Variants in PTPRG observed in about 807,000 individuals in gnomAD.
PTPRG encodes receptor-type tyrosine-protein phosphatase gamma.
In PTPRG, 102 loss-of-function variants were observed where a neutral mutation model predicts 165.3. That is an observed-to-expected ratio of 0.62 (90% CI 0.53 to 0.73). The LOEUF is 0.73. Ranked by LOEUF, PTPRG falls within the 30% of genes least tolerant of loss-of-function variation. PTPRG has a pLI of 0.00. For synonymous variants in PTPRG, 675 were observed against 669.5 expected (o/e 1.01, Z -0.13); for missense variants, 1,866 against 1,861.4 (o/e 1.00, Z -0.05).
Position 61,792,668 on chromosome 3 carries a change from T to TTTTC in PTPRG, c.190+43762_190+43765dup, listed in dbSNP as rs199609616. Among the ~76,000 whole-genome samples the TTTTC allele has an allele frequency of 7.6e-5, 9 of 118,244 alleles. No homozygotes were observed. The East Asian group carries it at 9.8e-4, about 13-fold the overall frequency. 77.6% of individuals were successfully genotyped at this position (118,244 alleles called of 152,430 possible). ...ATGGAAAACATAACTTTTTTGTGGGTTTTCTTTCTTTCTTTCTTTCTTTCT... is the reference window on the plus strand; with the variant it reads ...ATGGAAAACATAACTTTTTTGTGGGTTTTCTTTCTTTCTTTCTTTCTTTCTTTCT... On this transcript the variant is annotated intron_variant, in intron 2 of 29. Transcript: ENST00000474889.
chr3:61,813,677 A>C (rs932702043), intron 2 of PTPRG, among the ~76,000 whole-genome samples: 2 of 150,954 alleles, frequency 1.3e-5, no homozygotes, highest in Admixed American at 1.3e-4. Flanking sequence ...ATAATAACTT[A>C]TTGAATGTAT....
chr3:61,965,614 C>T (rs1431009277), intron 2 of PTPRG, among the ~76,000 whole-genome samples: 1 of 91,624 alleles, frequency 1.1e-5, no homozygotes, highest in Non-Finnish European at 2.3e-5. Context: ...TGGGTATGCT[C>T]ATTCATTCAT....
intron 2 of PTPRG, among the ~76,000 whole-genome samples, chr3:61,914,810 C>T (rs113506248): frequency 4.6e-5 from 7 of 152,298 alleles, no homozygotes; most frequent in African/African-American, 1.4e-4. Context: ...GTCATGAACT[C>T]TCCTTTGATG....
At chr3:61,696,732 G>A (rs946760810) in intron 1 of PTPRG, among the ~76,000 whole-genome samples, 3 of 152,158 alleles carry the variant, frequency 2.0e-5, no homozygotes, top group Non-Finnish European at 2.9e-5. Flanking sequence ...TTTTTTCAAT[G>A]GAGAAATCCC....
chr3:61,659,730 T>C (rs1702606302), intron 1 of PTPRG, among the ~76,000 whole-genome samples: 1 of 152,194 alleles, frequency 6.6e-6, no homozygotes. Context: ...TGGGAGAGTG[T>C]CATGATACAT....
intron 2 of PTPRG, among the ~76,000 whole-genome samples, chr3:61,875,386 A>G (rs1381611855): frequency 6.6e-6 from 1 of 151,212 alleles, no homozygotes; most frequent in Admixed American, 6.6e-5. Context: ...GTTTTGAGAG[A>G]GAGAGGATTC....
intron 2 of PTPRG, among the ~76,000 whole-genome samples, chr3:61,759,894 A>G (rs2033775765): frequency 6.6e-6 from 1 of 151,980 alleles, no homozygotes; most frequent in African/African-American, 2.4e-5. Flanking sequence ...TATCAAGAAG[A>G]GATAGGACTG....
rs1559598852 is a variant in PTPRG at position 61,763,537 on chromosome 3, T to TC, written c.190+14555_190+14556insC. 1.1e-4 allele frequency among the ~76,000 whole-genome samples: 17 copies of TC among 148,426 alleles called. No homozygotes were observed. The East Asian group carries it at 3.4e-3, about 30-fold the overall frequency. On this transcript the variant is annotated intron_variant, in intron 2 of 29. Coordinates refer to ENST00000474889, the MANE Select transcript of PTPRG (RefSeq NM_002841.4). Reference sequence around the variant, plus strand: ...CCTGCTACCACGCCCAGCTAATTTTTGTATTTCTCCTTCGTTAGAGATGGG... The same window carrying TC: ...CCTGCTACCACGCCCAGCTAATTTTTCGTATTTCTCCTTCGTTAGAGATGGG...
intron 1 of PTPRG, among the ~76,000 whole-genome samples, chr3:61,610,405 G>T (rs544772851): frequency 6.6e-6 from 1 of 152,274 alleles, no homozygotes; most frequent in African/African-American, 2.4e-5. Context: ...TTGTCTCTTA[G>T]ATTACAAGTG....
At chr3:62,112,596 A>G (rs77626608) in intron 5 of PTPRG, among the ~76,000 whole-genome samples, 1,690 of 152,304 alleles carry the variant, frequency 0.011, 15 homozygotes, top group Middle Eastern at 0.071. Context: ...ATTAACTGTT[A>G]CTATTATTTG....
intron 5 of PTPRG, among the ~76,000 whole-genome samples, chr3:62,116,572 G>T (rs569920817): frequency 4.7e-4 from 71 of 152,248 alleles, no homozygotes; most frequent in African/African-American, 1.6e-3. Flanking sequence ...ACAAGATTCT[G>T]GTGTATGTTT....
At chr3:62,061,983 G>C (rs1250087999) in intron 4 of PTPRG, among the ~76,000 whole-genome samples, 1 of 151,704 alleles carries the variant, frequency 6.6e-6, no homozygotes, top group African/African-American at 2.4e-5. Context: ...CTGGCTGTTG[G>C]AGAGTGGCAT....
At chr3:62,216,617 G>A (rs1479098159) in intron 12 of PTPRG, among the ~76,000 whole-genome samples, 1 of 129,308 alleles carries the variant, frequency 7.7e-6, no homozygotes, top group East Asian at 2.4e-4. Flanking sequence ...ATTCTTATTT[G>A]CAACTCTGGT....
At chr3:62,165,756 A>G (rs1434574695) in intron 7 of PTPRG, among the ~76,000 whole-genome samples, 4 of 152,206 alleles carry the variant, frequency 2.6e-5, no homozygotes, top group Non-Finnish European at 1.5e-5. Context: ...GTAGAATGAT[A>G]GGTGAATTCA....
intron 4 of PTPRG, among the ~76,000 whole-genome samples, chr3:62,042,561 C>T (rs895304470): frequency 7.9e-5 from 12 of 152,264 alleles, no homozygotes; most frequent in African/African-American, 2.2e-4. Flanking sequence ...CCCGCACCGC[C>T]ACCCTGCATG....
chr3:62,044,556 A>T (rs1295435349), intron 4 of PTPRG, among the ~76,000 whole-genome samples: 4 of 152,132 alleles, frequency 2.6e-5, no homozygotes, highest in African/African-American at 9.7e-5. Flanking sequence ...AAAGGAAAAA[A>T]AATGGCTAAG....
At chr3:62,155,625 A>G (rs1704506380) in intron 6 of PTPRG, among the ~76,000 whole-genome samples, 1 of 152,256 alleles carries the variant, frequency 6.6e-6, no homozygotes, top group Admixed American at 6.5e-5. Context: ...ATATAGGCGA[A>G]GCTAAATCAA....
At chr3:61,918,512 A>C (rs1489419989) in intron 2 of PTPRG, among the ~76,000 whole-genome samples, 1 of 152,178 alleles carries the variant, frequency 6.6e-6, no homozygotes, top group African/African-American at 2.4e-5. Flanking sequence ...GCCACATGTA[A>C]AAATAAGAAT....
intron 2 of PTPRG, among the ~76,000 whole-genome samples, chr3:61,771,887 C>A (rs1374991129): frequency 6.6e-6 from 1 of 151,636 alleles, no homozygotes; most frequent in Non-Finnish European, 1.5e-5. Flanking sequence ...TGGTGAAAAC[C>A]TGTCTCTACT....
Sources: allele counts gnomAD v4.1 joint callset (sites outside exome capture counted in the v4.1 genomes callset), GRCh38; gene constraint gnomAD v4.1.1; transcripts MANE v1.5; gene names NCBI Gene and HGNC (gene_info 2026-07-23, HGNC 2026-07-21).